The following TBC1D30 variants were observed in gnomAD, a reference collection of about 807,000 sequenced individuals.
The protein encoded by TBC1D30 is TBC1 domain family member 30.
Under a neutral mutation model 63.2 loss-of-function variants are expected in TBC1D30, and 31 were observed. That is an observed-to-expected ratio of 0.49 (90% CI 0.37 to 0.66). The LOEUF (loss-of-function observed/expected upper bound fraction) is 0.66. Among genes scored for constraint, TBC1D30 ranks in the 30% least tolerant of loss-of-function variants. The pLI is 0.00. For missense variants in TBC1D30, 810 were observed against 953.6 expected, an observed-to-expected ratio of 0.85 and a Z score of 1.98; for synonymous variants, 307 against 361.5, an observed-to-expected ratio of 0.85 and a Z score of 1.71.
intron 8 of TBC1D30, among the ~76,000 whole-genome samples, chr12:64,852,673 G>T (rs1375884718): frequency 6.6e-6 from 1 of 152,116 alleles, no homozygotes; most frequent in Non-Finnish European, 1.5e-5. Flanking sequence ...GGGTTTTTGT[G>T]TGGACATCCT....
chr12:64,789,136 G>A (rs1344826839), intron 2 of TBC1D30, among the ~76,000 whole-genome samples: 1 of 150,372 alleles, frequency 6.7e-6, no homozygotes, highest in Non-Finnish European at 1.5e-5. Flanking sequence ...TGATGCTTAT[G>A]ATTCTTTGCA....
rs1325260624 is a variant in TBC1D30, at chr12:64,870,649, A to C, written c.1339A>C (p.Ser447Arg). 1.3e-6 allele frequency: 2 copies of C among 1,536,210 alleles called. No individual in the cohort carries two copies. The highest frequency in any genetic ancestry group is 1.7e-6 in the Non-Finnish European group (2 of 1,146,910). The change falls in exon 11 of 12, where the codon AGT becomes CGT. Residue 447 changes from serine (S) to arginine (R), a missense_variant. Around this residue, in one of 4 missense-constraint regions of TBC1D30, gnomAD observed 450 missense variants for 473.0 expected, o/e 0.95. Coordinates refer to ENST00000539867, the MANE Select transcript of TBC1D30 (RefSeq NM_015279.2). ...GAGATCTAATAACATTGCAGAGCTG[A>C]GTCCAGGAGCAATCAATTCCTGTCG... ...SLRSNNIAEL[S>R]PGAINSCRSE...
At chr12:64,831,018 C>A (rs1874810976) in intron 4 of TBC1D30, among the ~76,000 whole-genome samples, 1 of 152,160 alleles carries the variant, frequency 6.6e-6, no homozygotes, top group Non-Finnish European at 1.5e-5. Flanking sequence ...TTGAACAGAG[C>A]CTGGTGCTAA....
intron 2 of TBC1D30, among the ~76,000 whole-genome samples, chr12:64,808,835 G>A (rs1309927660): frequency 6.6e-6 from 1 of 151,320 alleles, no homozygotes; most frequent in African/African-American, 2.4e-5. Flanking sequence ...GTTCATCCAT[G>A]CTGTAGCATG....
chr12:64,818,941 G>T (rs543220011), intron 2 of TBC1D30, among the ~76,000 whole-genome samples: 1 of 152,272 alleles, frequency 6.6e-6, no homozygotes, highest in African/African-American at 2.4e-5. Context: ...TCATTTTGAA[G>T]CAAGAAAATA....
chr12:64,798,642 C>T (rs1872416948), intron 2 of TBC1D30, among the ~76,000 whole-genome samples: 2 of 152,056 alleles, frequency 1.3e-5, no homozygotes, highest in Non-Finnish European at 2.9e-5. Context: ...AATTATGCAA[C>T]AGAGTTATTC....
At chr12:64,768,934 A>G (rs1592523346) in intron 1 of TBC1D30, among the ~76,000 whole-genome samples, 2 of 152,068 alleles carry the variant, frequency 1.3e-5, no homozygotes, top group South Asian at 4.1e-4. Context: ...AGGCAGGCGG[A>G]TTGCCTGAGC....
intron 1 of TBC1D30, among the ~76,000 whole-genome samples, chr12:64,761,554 A>G (rs1191509339): frequency 6.6e-6 from 1 of 152,126 alleles, no homozygotes; most frequent in Non-Finnish European, 1.5e-5. Context: ...ACCCACCAAA[A>G]CCAAGATGGT....
intron 2 of TBC1D30, among the ~76,000 whole-genome samples, chr12:64,786,520 C>T (rs1330367708): frequency 3.3e-5 from 5 of 151,946 alleles, no homozygotes; most frequent in African/African-American, 7.2e-5. Context: ...TTAGTAGAGA[C>T]GAGGTTTCAC....
intron 2 of TBC1D30, among the ~76,000 whole-genome samples, chr12:64,816,168 G>T (rs1227241307): frequency 6.6e-6 from 1 of 151,952 alleles, no homozygotes; most frequent in East Asian, 1.9e-4. Context: ...AAGTAGCAGG[G>T]ATTATAGGCA....
intron 10 of TBC1D30, 53 bp from the exon 11 acceptor site, chr12:64,870,549 A>T: frequency 7.1e-7 from 1 of 1,414,682 alleles, no homozygotes; most frequent in Non-Finnish European, 9.6e-7. Context: ...ATTTCCATTT[A>T]CTCCTGTTCC....
In TBC1D30 at chr12:64,879,271, T is replaced by TGGG. The variant is rs1879306242; in HGVS notation, c.*3483_*3484insGGG. 1 of 152,230 alleles carries TGGG rather than the reference T, an allele frequency of 6.6e-6. No individual in the cohort carries two copies. The highest frequency in any genetic ancestry group is 2.1e-4 in the South Asian group (1 of 4,832). The allele number at this position is 152,230 out of a possible 1,614,324, so 9.4% of individuals were successfully genotyped here. ...GGTAAATGCTCTTATACAATATGATTTTTAGTGACTAATATTCCCTAATGT... is the reference window on the plus strand; with the variant it reads ...GGTAAATGCTCTTATACAATATGATTGGGTTTAGTGACTAATATTCCCTAATGT... On this transcript the variant is annotated 3_prime_UTR_variant, in exon 12 of 12. Coordinates refer to ENST00000539867, the MANE Select transcript of TBC1D30 (RefSeq NM_015279.2).
intron 3 of TBC1D30, among the ~76,000 whole-genome samples, chr12:64,829,049 G>A (rs1038074478): frequency 6.6e-6 from 1 of 152,112 alleles, no homozygotes; most frequent in Non-Finnish European, 1.5e-5. Context: ...AGTGAACAAA[G>A]GGGGAAGCAA....
intron 8 of TBC1D30, among the ~76,000 whole-genome samples, chr12:64,852,609 T>C (rs1201524679): frequency 6.6e-6 from 1 of 152,208 alleles, no homozygotes; most frequent in Non-Finnish European, 1.5e-5. Context: ...TGGTTTTCCC[T>C]CATTTTCATG....
intron 9 of TBC1D30, among the ~76,000 whole-genome samples, chr12:64,865,776 C>T (rs920325160): frequency 1.2e-4 from 18 of 152,036 alleles, no homozygotes; most frequent in African/African-American, 3.9e-4. Flanking sequence ...GGATTGCTTG[C>T]GCCTAGGAGT....
intron 2 of TBC1D30, among the ~76,000 whole-genome samples, chr12:64,793,055 G>A (rs1166164780): frequency 6.6e-6 from 1 of 152,138 alleles, no homozygotes; most frequent in African/African-American, 2.4e-5. Context: ...TAAAGAGCAA[G>A]CTCGCTGGGT....
chr12:64,760,520 C>G (rs527290258), intron 1 of TBC1D30, among the ~76,000 whole-genome samples: 3 of 152,092 alleles, frequency 2.0e-5, no homozygotes, highest in Non-Finnish European at 4.4e-5. Context: ...CCACTGCACT[C>G]TGGCCTCAGG....
intron 1 of TBC1D30, among the ~76,000 whole-genome samples, chr12:64,770,263 T>C (rs775288348): frequency 6.6e-6 from 1 of 151,898 alleles, no homozygotes; most frequent in Non-Finnish European, 1.5e-5. Flanking sequence ...TTTATTACAA[T>C]GTCTGAGTAT....
intron 1 of TBC1D30, among the ~76,000 whole-genome samples, chr12:64,774,269 C>A (rs754089620): frequency 6.6e-6 from 1 of 152,088 alleles, no homozygotes; most frequent in East Asian, 1.9e-4. Context: ...ATGAACAAAA[C>A]GTCTGAGAAA....
Sources: allele counts gnomAD v4.1 joint callset (sites outside exome capture counted in the v4.1 genomes callset), GRCh38; gene constraint gnomAD v4.1.1; regional missense constraint gnomAD v4.1.1; transcripts MANE v1.5; gene names NCBI Gene and HGNC (gene_info 2026-07-23, HGNC 2026-07-21).